Variants in ZNF521 observed in about 807,000 individuals in gnomAD.
The protein encoded by ZNF521 is LYST-interacting protein 3.
In ZNF521, 14 loss-of-function variants were observed where a neutral mutation model predicts 105.5. The ratio of observed to expected loss-of-function variants is 0.13; its 90% CI spans 0.09 to 0.21. The LOEUF is 0.21. Ranked by LOEUF, ZNF521 falls within the 10% of genes least tolerant of loss-of-function variation. ZNF521 has a pLI of 1.00. For missense variants in ZNF521, 1,233 were observed against 1,629.7 expected (o/e 0.76, Z 4.19); for synonymous variants, 635 against 606.0 (o/e 1.05, Z -0.70).
chr18:25,280,314 A>T (rs1489910942), intron 3 of ZNF521, among the ~76,000 whole-genome samples: 1 of 152,214 alleles, frequency 6.6e-6, no homozygotes, highest in African/African-American at 2.4e-5. Context: ...GATGTCATTG[A>T]AGGCACACGA....
chr18:25,233,668 T>G (rs1181380280), intron 3 of ZNF521, among the ~76,000 whole-genome samples: 5 of 151,336 alleles, frequency 3.3e-5, no homozygotes, highest in East Asian at 1.9e-4. Flanking sequence ...AGAGGTTTTT[T>G]TTTTTTTTTT....
chr18:25,183,138 A>T (rs2035661285), intron 5 of ZNF521, among the ~76,000 whole-genome samples: 2 of 152,168 alleles, frequency 1.3e-5, no homozygotes, highest in Admixed American at 1.3e-4. Flanking sequence ...GCTCCAGCAT[A>T]CCCAAATTAA....
chr18:25,351,712 A>G (rs1052351007), intron 1 of ZNF521: 10 of 154,408 alleles, frequency 6.5e-5, no homozygotes, highest in Non-Finnish European at 2.9e-5. Context: ...TCTTTCAAAA[A>G]GAAAAAGCCA....
intron 5 of ZNF521, among the ~76,000 whole-genome samples, chr18:25,110,548 G>GAAGC (rs1295960532): frequency 1.3e-5 from 2 of 152,128 alleles, no homozygotes; most frequent in African/African-American, 4.8e-5. Flanking sequence ...GAACGAGGTA[G>GAAGC]AAGCACATGG....
chr18:25,216,928 G>A (rs1378623887), intron 4 of ZNF521, among the ~76,000 whole-genome samples: 1 of 152,164 alleles, frequency 6.6e-6, no homozygotes, highest in African/African-American at 2.4e-5. Context: ...TTTTCAGGAA[G>A]GCCAACCTGA....
intron 3 of ZNF521, among the ~76,000 whole-genome samples, chr18:25,273,856 TTAGGA>T (rs990535175): frequency 2.0e-5 from 3 of 152,144 alleles, no homozygotes; most frequent in Non-Finnish European, 4.4e-5. Context: ...TAATTTGGGG[TTAGGA>T]TAAGTACAGT....
chr18:25,077,824 C>G (rs951501478), intron 7 of ZNF521, among the ~76,000 whole-genome samples: 1 of 151,724 alleles, frequency 6.6e-6, no homozygotes, highest in Non-Finnish European at 1.5e-5. Context: ...AGGAAGACAA[C>G]GAAGAAGAGG....
intron 5 of ZNF521, among the ~76,000 whole-genome samples, chr18:25,133,100 A>G (rs1333318284): frequency 6.6e-6 from 1 of 152,244 alleles, no homozygotes; most frequent in Non-Finnish European, 1.5e-5. Context: ...CAGTGGACAC[A>G]GTACCTACAA....
At chr18:25,068,807 G>A (rs150795044) in intron 7 of ZNF521, among the ~76,000 whole-genome samples, 26 of 152,196 alleles carry the variant, frequency 1.7e-4, no homozygotes, top group African/African-American at 5.5e-4. Context: ...CTCCTTCCCC[G>A]TTCCCAGAAG....
intron 2 of ZNF521, among the ~76,000 whole-genome samples, chr18:25,344,714 AATG>A (rs139473194): frequency 0.037 from 5,618 of 152,332 alleles, 316 homozygotes; most frequent in African/African-American, 0.13. Context: ...CATCTTACTT[AATG>A]ATAATATTTA....
At chr18:25,259,797 G>A (rs902865575) in intron 3 of ZNF521, among the ~76,000 whole-genome samples, 2 of 152,172 alleles carry the variant, frequency 1.3e-5, no homozygotes, top group Admixed American at 6.5e-5. Flanking sequence ...GGTCGTGGAC[G>A]CACCTAGACT....
Position 25,274,873 on chromosome 18 carries a change from G to A in ZNF521, c.220+47135C>T, listed in dbSNP as rs533346563. ...TTGTCCCCTAGATTCCTTCCTCATT[G>A]TTGTATATTTAACTTTATGACCATC... is the stretch of plus-strand genomic sequence containing the variant. On this transcript the variant is annotated intron_variant, in intron 3 of 7. Coordinates refer to ENST00000361524, the MANE Select transcript of ZNF521 (RefSeq NM_015461.3). 4.4e-4 allele frequency among the ~76,000 whole-genome samples: 67 copies of A among 152,060 alleles called. 1 individual carries two copies. Among genetic ancestry groups the A allele is most frequent in the Middle Eastern group, 3.4e-3 (1 of 294 alleles).
intron 4 of ZNF521, among the ~76,000 whole-genome samples, chr18:25,200,430 C>T (rs2035972947): frequency 6.6e-6 from 1 of 151,510 alleles, no homozygotes; most frequent in South Asian, 2.1e-4. Context: ...TCAAACTGTA[C>T]CTTTACGTGT....
chr18:25,277,752 C>A (rs1256320885), intron 3 of ZNF521, among the ~76,000 whole-genome samples: 1 of 152,080 alleles, frequency 6.6e-6, no homozygotes, highest in Admixed American at 6.5e-5. Context: ...TTACTAAAGC[C>A]ACAATTATCT....
intron 3 of ZNF521, among the ~76,000 whole-genome samples, chr18:25,313,640 C>A (rs144066877): frequency 6.6e-6 from 1 of 152,178 alleles, no homozygotes; most frequent in African/African-American, 2.4e-5. Context: ...GTTTTAACAG[C>A]CATTAAAATG....
intron 5 of ZNF521, among the ~76,000 whole-genome samples, chr18:25,160,728 A>G (rs1011297631): frequency 1.3e-5 from 2 of 152,150 alleles, no homozygotes; most frequent in Non-Finnish European, 2.9e-5. Flanking sequence ...TGATATTTCC[A>G]TTGCTTTTCA....
chr18:25,203,359 A>G (rs1478960814), intron 4 of ZNF521, among the ~76,000 whole-genome samples: 3 of 152,124 alleles, frequency 2.0e-5, no homozygotes, highest in Admixed American at 6.6e-5. Context: ...GCTCATGCCT[A>G]TAACTCCAGC....
At chr18:25,200,562 T>C (rs1263469680) in intron 4 of ZNF521, among the ~76,000 whole-genome samples, 1 of 152,158 alleles carries the variant, frequency 6.6e-6, no homozygotes, top group African/African-American at 2.4e-5. Flanking sequence ...ACACTCTCCA[T>C]TCACTTCTAT....
At position 25,110,569 on chromosome 18, in the gene ZNF521, T is replaced by C. The variant is rs536072961; in HGVS notation, c.3659-18488A>G. On this transcript the variant is annotated intron_variant, in intron 5 of 7. Transcript: ENST00000361524. ...GGTAGAAGCACATGGTTGATTCTTC[T>C]TTGTATCCTCAAATAATTCAATATG... 5.3e-5 allele frequency among the ~76,000 whole-genome samples: 8 copies of C among 152,250 alleles called. No homozygotes were observed. In the East Asian group the frequency reaches 1.5e-3, roughly 29 times the overall value.
Sources: gnomAD v4.1 joint callset for allele counts (sites outside exome capture counted in the v4.1 genomes callset) on GRCh38, gnomAD v4.1.1 for gene constraint, MANE v1.5 for transcripts, NCBI Gene and HGNC (gene_info 2026-07-23, HGNC 2026-07-21) for gene names.